The following MSX2 variants were observed in gnomAD, a reference collection of about 807,000 sequenced individuals.
MSX2 encodes homeobox protein MSX-2.
A neutral mutation model predicts 18.4 loss-of-function variants in MSX2; 10 were observed. The ratio of observed to expected loss-of-function variants is 0.54; its 90% confidence interval spans 0.34 to 0.92. The LOEUF is 0.92. MSX2 is among the 40% of genes least tolerant of loss of function. MSX2 has a pLI of 0.02. For synonymous variants in MSX2, 170 were observed against 165.6 expected, an observed-to-expected ratio of 1.03 and a Z score of -0.20; for missense variants, 339 against 364.0, an observed-to-expected ratio of 0.93 and a Z score of 0.56.
chr5:174,725,974 C>G (rs77602151), intron 1 of MSX2, among the ~76,000 whole-genome samples: 3,567 of 152,272 alleles, frequency 0.023, 128 homozygotes, highest in African/African-American at 0.081. Context: ...TGCCCACGCC[C>G]TGCTCCTCTG....
At chr5:174,728,995 G>GTGTGTGTGTA (rs1554097258) in intron 1 of MSX2, among the ~76,000 whole-genome samples, 164 bp from the exon 2 acceptor site, 1 of 150,398 alleles carries the variant, frequency 6.6e-6, no homozygotes, top group Non-Finnish European at 1.5e-5. Flanking sequence ...GTGTGTGTGT[G>GTGTGTGTGTA]TATATGTATG....
intron 1 of MSX2, 87 bp from the exon 2 acceptor site, chr5:174,729,072 A>G: frequency 2.2e-6 from 3 of 1,382,008 alleles, no homozygotes; most frequent in South Asian, 2.5e-5. Flanking sequence ...GAAAAAACCT[A>G]GAGAGATGAC....
Position 174,729,706 on chromosome 5 carries a change from G to C in MSX2, c.*123G>C. On this transcript the variant is annotated 3_prime_UTR_variant, in exon 2 of 2. Coordinates refer to ENST00000239243, the MANE Select transcript of MSX2 (RefSeq NM_002449.5). ...TAACCCTGCGTGCACCACCCTAAGC[G>C]GCTAGGCTGACAGGGCCACACGACA... The C allele has an allele frequency of 9.5e-7, 1 of 1,053,310 alleles. No homozygotes were observed. Among genetic ancestry groups the C allele is most frequent in the South Asian group, 1.3e-5 (1 of 76,392 alleles). The allele number at this position is 1,053,310 out of a possible 1,614,324, so 65.2% of individuals were successfully genotyped here. A position where few individuals can be genotyped will look rare whatever the true frequency, so the allele number is the denominator to read the frequency against.
intron 1 of MSX2, among the ~76,000 whole-genome samples, chr5:174,726,185 C>T (rs1475405020): frequency 6.6e-6 from 1 of 152,146 alleles, no homozygotes; most frequent in African/African-American, 2.4e-5. Flanking sequence ...TATGGTTTCT[C>T]TACCCCCTAA....
chr5:174,724,942 C>T lies in MSX2; in HGVS notation c.283C>T (p.Leu95=), dbSNP rs1760748635. ...TCGGGAAGCGCACAGCCCCGGGCCG[C>T]TGGTGAAGCCCTTCGAGACCGCCTC... is the stretch of plus-strand genomic sequence containing the variant. ...GAREAHSPGP[L]VKPFETASVK... The change falls in exon 1 of 2, where the codon CTG becomes TTG. Residue 95 remains leucine, a synonymous_variant. Transcript: ENST00000239243. The T allele has an allele frequency of 1.9e-6, 3 of 1,591,080 alleles. No individual in the cohort carries two copies. The highest frequency in any genetic ancestry group is 2.6e-6 in the Non-Finnish European group (3 of 1,171,412).
At chr5:174,727,243 T>A (rs114660085) in intron 1 of MSX2, among the ~76,000 whole-genome samples, 2,156 of 152,102 alleles carry the variant, frequency 0.014, 25 homozygotes, top group Non-Finnish European at 0.024. Flanking sequence ...TAAACGCTGT[T>A]TTGCCTTATA....
Position 174,729,482 on chromosome 5 carries a change from A to G in MSX2, c.703A>G (p.Ile235Val), listed in dbSNP as rs1581520362. Residue 235 changes from isoleucine (I) to valine (V), a missense_variant, in exon 2 of 2, where the codon ATA (isoleucine) becomes GTA (valine). Physicochemically the swap from Ile to Val is conservative, Grantham distance 29. Transcript: ENST00000239243. ...PISSPLQAAS[I>V]YGASYPFHRP... is the part of the protein sequence containing the mutation. ...CAGCTCGCCCCTGCAGGCAGCGTCC[A>G]TATATGGAGCATCCTACCCGTTCCA... 4 of 1,613,966 alleles carry G rather than the reference A, an allele frequency of 2.5e-6. No homozygotes were observed. Among genetic ancestry groups the G allele is most frequent in the Non-Finnish European group, 3.4e-6 (4 of 1,179,866 alleles).
Position 174,728,577 on chromosome 5 carries a change from G to A in MSX2, c.380-582G>A, listed in dbSNP as rs930752062. On this transcript the variant is annotated intron_variant, in intron 1 of 1. Transcript: ENST00000239243. Reference sequence around the variant, plus strand: ...GGAGACCAAGGGAAACAGCTAACCCGGTTGCTAAAACCTTTTTCATTTTCC... The same window carrying A: ...GGAGACCAAGGGAAACAGCTAACCCAGTTGCTAAAACCTTTTTCATTTTCC... Among the ~76,000 whole-genome samples, 7 of 152,136 alleles carry A rather than the reference G, an allele frequency of 4.6e-5. No individual in the cohort carries two copies. The East Asian group carries it at 9.6e-4, about 21-fold the overall frequency.
At chr5:174,725,976 G>A (rs1760788205) in intron 1 of MSX2, among the ~76,000 whole-genome samples, 1 of 152,164 alleles carries the variant, frequency 6.6e-6, no homozygotes, top group South Asian at 2.1e-4. Context: ...CCCACGCCCT[G>A]CTCCTCTGTT....
chr5:174,724,807 G>C lies in MSX2; in HGVS notation c.148G>C (p.Glu50Gln). The change falls in exon 1 of 2, where the codon GAG becomes CAG. Residue 50 changes from glutamate (E) to glutamine (Q), a missense_variant. Glu to Gln is a conservative substitution (Grantham distance 29). Coordinates refer to ENST00000239243, the MANE Select transcript of MSX2 (RefSeq NM_002449.5). ...VKVSSLPFSV[E>Q]ALMSDKKPPK... ...GGTCTCCAGCCTGCCCTTCAGCGTG[G>C]AGGCGCTCATGTCCGACAAGAAGCC... 1.3e-6 allele frequency: 2 copies of C among 1,552,314 alleles called. No individual in the cohort carries two copies. The highest frequency in any genetic ancestry group is 1.7e-6 in the Non-Finnish European group (2 of 1,148,374).
rs1008018922 is a variant in MSX2 at position 174,730,145 on chromosome 5, C to T, written c.*562C>T. On this transcript the variant is annotated 3_prime_UTR_variant, in exon 2 of 2. Transcript: ENST00000239243. ...GAGATTATTCAAAGTGAAGGGGACA[C>T]ATCATATTTCTGCATTTTACTTGCA... 2 of 152,146 alleles carry T rather than the reference C, an allele frequency of 1.3e-5. No individual in the cohort carries two copies. The highest frequency in any genetic ancestry group is 4.8e-5 in the African/African-American group (2 of 41,420). The allele number at this position is 152,146 out of a possible 1,614,324, so 9.4% of individuals were successfully genotyped here.
chr5:174,724,888 C>T lies in MSX2; in HGVS notation c.229C>T (p.Arg77Trp). Residue 77 changes from arginine (R) to tryptophan (W), a missense_variant, in exon 1 of 2, where the codon CGG becomes TGG. By Grantham distance (101) the Arg-to-Trp change is moderately radical. Around this residue, in one of 2 missense-constraint regions of MSX2, gnomAD observed 211 missense variants for 185.4 expected, o/e 1.14. Coordinates refer to ENST00000239243, the MANE Select transcript of MSX2 (RefSeq NM_002449.5). ...AAGCGCCTCGGCCGGGGCCACCCTGCGGCCACTGCTGCTGTCGGGGCACGG... is the reference window on the plus strand; with the variant it reads ...AAGCGCCTCGGCCGGGGCCACCCTGTGGCCACTGCTGCTGTCGGGGCACGG... The part of the protein sequence containing the change: ...AESASAGATL[R>W]PLLLSGHGAR... 1 of 1,562,984 alleles carries T rather than the reference C, an allele frequency of 6.4e-7. No homozygotes were observed. Among genetic ancestry groups the T allele is most frequent in the Admixed American group, 2.0e-5 (1 of 51,138 alleles).
rs751966362 is a variant in MSX2 at position 174,724,930 on chromosome 5, A to G, written c.271A>G (p.Ser91Gly). ...GGGGCACGGCGCTCGGGAAGCGCAC[A>G]GCCCCGGGCCGCTGGTGAAGCCCTT... is the stretch of plus-strand genomic sequence containing the variant. ...LSGHGAREAHSPGPLVKPFET... is the reference protein window; with the variant it reads ...LSGHGAREAHGPGPLVKPFET... Residue 91 changes from serine (S) to glycine (G), a missense_variant, in exon 1 of 2, where the codon AGC (serine) becomes GGC (glycine). Coordinates refer to ENST00000239243, the MANE Select transcript of MSX2 (RefSeq NM_002449.5). 1 of 1,583,128 alleles carries G rather than the reference A, an allele frequency of 6.3e-7. No individual in the cohort carries two copies. Among genetic ancestry groups the G allele is most frequent in the Non-Finnish European group, 8.6e-7 (1 of 1,167,142 alleles).
intron 1 of MSX2, 43 bp downstream of exon 1, chr5:174,725,081 C>T (rs1452536627): frequency 2.5e-6 from 4 of 1,602,932 alleles, no homozygotes; most frequent in Admixed American, 1.7e-5. Flanking sequence ...GCGCGGGGTA[C>T]TGGAGGGAGC....
rs544759609 is a variant in MSX2, at chr5:174,729,439, C to T, written c.660C>T (p.Phe220=). 1 of 1,614,090 alleles carries T rather than the reference C, an allele frequency of 6.2e-7. No individual in the cohort carries two copies. Among genetic ancestry groups the T allele is most frequent in the South Asian group, 1.1e-5 (1 of 91,080 alleles). The change falls in exon 2 of 2, where the codon TTC becomes TTT. Residue 220 remains phenylalanine, a synonymous_variant. Transcript: ENST00000239243. The stretch of plus-strand genomic sequence containing the variant: ...CAAAACCTATGCTGCCCTCCAGCTT[C>T]AGTCTCCCTTTCCCCATCAGCTCGC... ...MAAKPMLPSS[F]SLPFPISSPL... is the part of the protein sequence containing the mutation.
rs772051040 is a variant in MSX2 at position 174,724,963 on chromosome 5, G to A, written c.304G>A (p.Ala102Thr). ...PGPLVKPFETASVKSENSEDG... is the reference protein window; with the variant it reads ...PGPLVKPFETTSVKSENSEDG... ...GCCGCTGGTGAAGCCCTTCGAGACC[G>A]CCTCGGTCAAGTCGGAAAATTCAGA... The change falls in exon 1 of 2, where the codon GCC (alanine) becomes ACC (threonine). Residue 102 changes from alanine to threonine, a missense_variant. This residue lies in a region of MSX2 where 211 missense variants were observed against 185.4 expected (regional missense o/e 1.14). Transcript: ENST00000239243. 3.1e-6 allele frequency: 5 copies of A among 1,603,814 alleles called. No homozygotes were observed. The highest frequency in any genetic ancestry group is 4.2e-6 in the Non-Finnish European group (5 of 1,177,022).
At position 174,724,902 on chromosome 5, in the gene MSX2, G is replaced by T. The variant is rs1259961625; in HGVS notation, c.243G>T (p.Leu81=). 1 of 1,571,256 alleles carries T rather than the reference G, an allele frequency of 6.4e-7. No homozygotes were observed. Among genetic ancestry groups the T allele is most frequent in the East Asian group, 2.3e-5 (1 of 43,456 alleles). The change falls in exon 1 of 2, where the codon CTG becomes CTT. Residue 81 remains leucine, a synonymous_variant. Coordinates refer to ENST00000239243, the MANE Select transcript of MSX2 (RefSeq NM_002449.5). ...GGGCCACCCTGCGGCCACTGCTGCT[G>T]TCGGGGCACGGCGCTCGGGAAGCGC... ...SAGATLRPLL[L]SGHGAREAHS... is the part of the protein sequence containing the mutation.
chr5:174,728,648 C>T (rs1760854179), intron 1 of MSX2, among the ~76,000 whole-genome samples: 1 of 152,186 alleles, frequency 6.6e-6, no homozygotes, highest in Non-Finnish European at 1.5e-5. Context: ...CTGGGCTAAT[C>T]ATGAACCTGG....
rs1344807799 is a variant in MSX2, at chr5:174,724,811, C to A, written c.152C>A (p.Ala51Glu). 2 of 1,551,628 alleles carry A rather than the reference C, an allele frequency of 1.3e-6. No homozygotes were observed. Among genetic ancestry groups the A allele is most frequent in the South Asian group, 2.4e-5 (2 of 84,330 alleles). ...TCCAGCCTGCCCTTCAGCGTGGAGG[C>A]GCTCATGTCCGACAAGAAGCCGCCC... ...KVSSLPFSVE[A>E]LMSDKKPPKE... Residue 51 changes from alanine (A) to glutamate (E), a missense_variant, in exon 1 of 2, where the codon GCG (alanine) becomes GAG (glutamate). Physicochemically the swap from Ala to Glu is moderately radical, Grantham distance 107. Coordinates refer to ENST00000239243, the MANE Select transcript of MSX2 (RefSeq NM_002449.5).
Sources: gnomAD v4.1 joint callset for allele counts (sites outside exome capture counted in the v4.1 genomes callset) on GRCh38, gnomAD v4.1.1 for gene constraint, gnomAD v4.1.1 regional missense constraint, MANE v1.5 for transcripts, NCBI Gene and HGNC (gene_info 2026-07-23, HGNC 2026-07-21) for gene names.